ZFHX3: variants seen among roughly 807,000 people sequenced by gnomAD.
ZFHX3 encodes the protein zinc finger homeobox protein 3.
Under a neutral mutation model 279.1 loss-of-function variants are expected in ZFHX3, and 42 were observed. That is an observed-to-expected ratio of 0.15 (90% CI 0.12 to 0.19). The LOEUF (loss-of-function observed/expected upper bound fraction) is 0.19. Among genes scored for constraint, ZFHX3 ranks in the 10% least tolerant of loss-of-function variants. ZFHX3 has a pLI of 1.00. For synonymous variants in ZFHX3, 2,293 were observed against 1,957.8 expected (o/e 1.17, Z -4.52); for missense variants, 4,981 against 4,754.0 (o/e 1.05, Z -1.40).
chr16:73,096,813 C>T (rs1389451226), intron 7 of ZFHX3, among the ~76,000 whole-genome samples: 5 of 151,992 alleles, frequency 3.3e-5, no homozygotes, highest in East Asian at 1.9e-4. Context: ...GAAGTATGCC[C>T]GGGAGTAAGC....
At chr16:73,562,735 CAAAATTATTTGGAAATAAA>C (rs2020390165) in intron 2 of ZFHX3, among the ~76,000 whole-genome samples, 1 of 146,086 alleles carries the variant, frequency 6.8e-6, no homozygotes, top group Non-Finnish European at 1.5e-5. Context: ...AAAGAACAGA[CAAAATTATTTGGAAATAAA>C]AAAGAGTACA....
chr16:73,439,654 T>C (rs551826394), intron 3 of ZFHX3, among the ~76,000 whole-genome samples: 1 of 152,152 alleles, frequency 6.6e-6, no homozygotes. Flanking sequence ...GATTGCCTCC[T>C]GGAAAATGGA....
At position 72,843,317 on chromosome 16, in the gene ZFHX3, T is replaced by G. The variant is rs868380338; in HGVS notation, c.3449-13458A>C. Among the ~76,000 whole-genome samples, 33 of 152,114 alleles carry G rather than the reference T, an allele frequency of 2.2e-4. No individual in the cohort carries two copies. The South Asian group carries it at 3.7e-3, about 17-fold the overall frequency. On this transcript the variant is annotated intron_variant, in intron 4 of 9. Transcript: ENST00000268489. ...TGAGGTCAGGAGATCGAGACCATCC[T>G]GGCTAACACGGTGAAACCCCGTCTC...
At chr16:73,032,668 C>G (rs1219916088) in intron 1 of ZFHX3, among the ~76,000 whole-genome samples, 2 of 148,626 alleles carry the variant, frequency 1.3e-5, no homozygotes, top group South Asian at 2.2e-4. Context: ...TAAAGCTCAG[C>G]ATTTAAAAAA....
chr16:73,014,302 A>AT (rs111944167), intron 1 of ZFHX3: 2,630 of 140,878 alleles, frequency 0.019, 62 homozygotes, highest in African/African-American at 0.059. Context: ...GGTTTTTTGC[A>AT]TTTTTTTTTT....
chr16:73,767,755 T>C (rs558885907), intron 1 of ZFHX3, among the ~76,000 whole-genome samples: 11 of 152,306 alleles, frequency 7.2e-5, no homozygotes, highest in African/African-American at 2.4e-4. Context: ...TTATGAGCTA[T>C]GTGATCTGCG....
intron 2 of ZFHX3, among the ~76,000 whole-genome samples, chr16:73,625,874 T>A (rs2052410438): frequency 6.6e-6 from 1 of 152,290 alleles, no homozygotes; most frequent in East Asian, 1.9e-4. Flanking sequence ...TTTTTGTTTT[T>A]TGAGATGGAG....
chr16:72,930,659 T>C (rs1030687143), intron 3 of ZFHX3, among the ~76,000 whole-genome samples: 3 of 152,188 alleles, frequency 2.0e-5, no homozygotes, highest in Non-Finnish European at 4.4e-5. Flanking sequence ...TTTCAGCCAC[T>C]GCCAATAGTG....
At chr16:73,515,512 GAGAA>G (rs1000286208) in intron 2 of ZFHX3, among the ~76,000 whole-genome samples, 6 of 150,864 alleles carry the variant, frequency 4.0e-5, no homozygotes, top group South Asian at 2.1e-4. Flanking sequence ...GAGAAAGAGA[GAGAA>G]AGAAAGAAAG....
chr16:73,048,105 C>A lies in ZFHX3; in HGVS notation c.-403G>T, dbSNP rs1225732220. On this transcript the variant is annotated 5_prime_UTR_variant, in exon 1 of 10. Coordinates refer to ENST00000268489, the MANE Select transcript of ZFHX3 (RefSeq NM_006885.4). ...CGCCGCCTCCTCCTCTGCCGCCGCC[C>A]GCCCGGAATCGCTTTATGTAAATGA... 1.3e-5 allele frequency: 2 copies of A among 152,698 alleles called. No individual in the cohort carries two copies. The highest frequency in any genetic ancestry group is 1.9e-4 in the South Asian group (1 of 5,170). 9.5% of individuals were successfully genotyped at this position (152,698 alleles called of 1,614,324 possible). A position where few individuals can be genotyped will look rare whatever the true frequency, so the allele number is the denominator to read the frequency against.
At chr16:73,755,934 T>C (rs1021912619) in intron 1 of ZFHX3, among the ~76,000 whole-genome samples, 1 of 152,188 alleles carries the variant, frequency 6.6e-6, no homozygotes, top group Admixed American at 6.5e-5. Flanking sequence ...CGGGTGACAG[T>C]GGCTGGCTCC....
At chr16:73,220,373 A>G (rs1250064286) in intron 5 of ZFHX3, among the ~76,000 whole-genome samples, 1 of 152,184 alleles carries the variant, frequency 6.6e-6, no homozygotes, top group African/African-American at 2.4e-5. Context: ...AAACAATAAA[A>G]TAAAATTTTG....
intron 1 of ZFHX3, among the ~76,000 whole-genome samples, chr16:73,681,553 T>C (rs183695422): frequency 2.6e-5 from 4 of 152,280 alleles, no homozygotes; most frequent in Admixed American, 6.5e-5. Flanking sequence ...CGTTGAGGTT[T>C]GGGCTTCTGG....
chr16:73,517,978 C>T (rs1016939043), intron 2 of ZFHX3, among the ~76,000 whole-genome samples: 1 of 152,098 alleles, frequency 6.6e-6, no homozygotes, highest in Non-Finnish European at 1.5e-5. Flanking sequence ...TTTTATTCAG[C>T]CCAGTATATT....
intron 5 of ZFHX3, among the ~76,000 whole-genome samples, chr16:73,222,846 G>A (rs1188441299): frequency 6.6e-6 from 1 of 152,082 alleles, no homozygotes; most frequent in Non-Finnish European, 1.5e-5. Context: ...AATTGAGACA[G>A]TAAAGTATTG....
rs778011481 is a variant in ZFHX3, at chr16:72,960,179, G to A, written c.-34C>T. On this transcript the variant is annotated 5_prime_UTR_variant, in exon 2 of 10. Transcript: ENST00000268489. ...CTGCGTGGAGCTTTCATTGCACCCA[G>A]TACGGAGGCTCGGACCTGAAGGGCA... 1.8e-5 allele frequency: 28 copies of A among 1,517,354 alleles called. No homozygotes were observed. In the Admixed American group the frequency reaches 5.4e-4, roughly 29 times the overall value. The allele number at this position is 1,517,354 out of a possible 1,614,324, so 94.0% of individuals were successfully genotyped here.
chr16:73,472,337 G>C (rs1302600250), intron 2 of ZFHX3, among the ~76,000 whole-genome samples: 1 of 151,398 alleles, frequency 6.6e-6, no homozygotes, highest in Admixed American at 6.6e-5. Flanking sequence ...TCTTGCCCAT[G>C]GTGGCACGAT....
chr16:72,960,256 G>A, intron 1 of ZFHX3, 62 bp from the exon 2 acceptor site: 1 of 1,362,344 alleles, frequency 7.3e-7, no homozygotes, highest in South Asian at 1.6e-5. Context: ...AAAGGAAAGA[G>A]GTTAGGAGGG....
At chr16:73,539,012 G>A (rs949360123) in intron 2 of ZFHX3, among the ~76,000 whole-genome samples, 4 of 152,148 alleles carry the variant, frequency 2.6e-5, no homozygotes, top group African/African-American at 9.7e-5. Context: ...TGTCCCCTAA[G>A]CAGGTATGAT....
Sources: gnomAD v4.1 joint callset for allele counts (sites outside exome capture counted in the v4.1 genomes callset) on GRCh38, gnomAD v4.1.1 for gene constraint, MANE v1.5 for transcripts, NCBI Gene and HGNC (gene_info 2026-07-23, HGNC 2026-07-21) for gene names.